Variants in LRRC4C observed in about 807,000 individuals in gnomAD.
The protein encoded by LRRC4C is leucine-rich repeat-containing protein 4C.
In LRRC4C, 5 loss-of-function variants were observed where a neutral mutation model predicts 33.6. The ratio of observed to expected loss-of-function variants is 0.15; its 90% confidence interval spans 0.08 to 0.31. The LOEUF is 0.31. Ranked by LOEUF, LRRC4C falls within the 10% of genes least tolerant of loss-of-function variation. The probability of loss-of-function intolerance (pLI) is 1.00; values close to 1 mark genes in which losing one functional copy is unlikely to be tolerated. For synonymous variants in LRRC4C, 329 were observed against 302.0 expected (o/e 1.09, Z -0.93); for missense variants, 560 against 796.7 (o/e 0.70, Z 3.58).
chr11:40,187,846 C>T (rs766799347), intron 5 of LRRC4C, among the ~76,000 whole-genome samples: 1 of 152,028 alleles, frequency 6.6e-6, no homozygotes, highest in East Asian at 1.9e-4. Context: ...CTCCAGAAAT[C>T]AGCCGTTAGA....
intron 2 of LRRC4C, among the ~76,000 whole-genome samples, chr11:40,829,519 T>A (rs1297833179): frequency 6.6e-6 from 1 of 152,042 alleles, no homozygotes; most frequent in African/African-American, 2.4e-5. Flanking sequence ...CTGCTCAAAT[T>A]ATTTTATTGG....
chr11:40,549,733 T>G (rs917716060), intron 3 of LRRC4C, among the ~76,000 whole-genome samples: 1 of 152,110 alleles, frequency 6.6e-6, no homozygotes, highest in African/African-American at 2.4e-5. Context: ...CTTCAACTAG[T>G]AAATTAAATA....
chr11:40,315,129 A>G (rs1649799605), intron 4 of LRRC4C, among the ~76,000 whole-genome samples: 1 of 152,012 alleles, frequency 6.6e-6, no homozygotes, highest in Non-Finnish European at 1.5e-5. Flanking sequence ...TCTGTATTGC[A>G]GTATCACTGT....
At chr11:40,584,177 C>CATATATATATATATATATATATAT (rs371413523) in intron 3 of LRRC4C, among the ~76,000 whole-genome samples, 892 of 70,952 alleles carry the variant, frequency 0.013, 55 homozygotes, top group East Asian at 0.015. Flanking sequence ...ACGCACACTT[C>CATATATATATATATATATATATAT]ATATATATAT....
At chr11:40,698,569 G>T (rs956274747) in intron 2 of LRRC4C, among the ~76,000 whole-genome samples, 2 of 152,000 alleles carry the variant, frequency 1.3e-5, no homozygotes, top group Non-Finnish European at 1.5e-5. Flanking sequence ...AAAAAGAAGA[G>T]AATGGGAAAG....
At chr11:40,836,211 A>G (rs1488433277) in intron 2 of LRRC4C, among the ~76,000 whole-genome samples, 1 of 151,990 alleles carries the variant, frequency 6.6e-6, no homozygotes, top group East Asian at 1.9e-4. Context: ...TTAAATGTAG[A>G]CCTCCTGTTA....
intron 3 of LRRC4C, among the ~76,000 whole-genome samples, chr11:40,585,870 CATT>C (rs1368900993): frequency 7.4e-6 from 1 of 135,584 alleles, no homozygotes; most frequent in Non-Finnish European, 1.6e-5. Context: ...TCCAGTCTAT[CATT>C]GTTGGACATT....
chr11:40,899,143 T>C (rs1956098387), intron 2 of LRRC4C, among the ~76,000 whole-genome samples: 1 of 152,084 alleles, frequency 6.6e-6, no homozygotes, highest in South Asian at 2.1e-4. Flanking sequence ...ATTCAACTCA[T>C]TCCAAGTATT....
chr11:41,339,064 T>A (rs1951548768), intron 1 of LRRC4C, among the ~76,000 whole-genome samples: 1 of 152,222 alleles, frequency 6.6e-6, no homozygotes, highest in African/African-American at 2.4e-5. Flanking sequence ...AGATGCATCA[T>A]GGTTCTAAAT....
chr11:41,386,907 A>G (rs999440896), intron 1 of LRRC4C, among the ~76,000 whole-genome samples: 18 of 151,916 alleles, frequency 1.2e-4, no homozygotes, highest in Admixed American at 1.1e-3. Flanking sequence ...GGAAATGATC[A>G]GAACAATAAG....
chr11:40,635,697 C>A (rs907271875), intron 3 of LRRC4C, among the ~76,000 whole-genome samples: 2 of 131,574 alleles, frequency 1.5e-5, no homozygotes, highest in Non-Finnish European at 3.1e-5. Context: ...AGTGCAGTGG[C>A]GCGATCTCGG....
intron 3 of LRRC4C, among the ~76,000 whole-genome samples, chr11:40,598,549 A>G (rs1286074957): frequency 6.6e-6 from 1 of 152,154 alleles, no homozygotes; most frequent in South Asian, 2.1e-4. Context: ...AAGCTGTCCT[A>G]TTACTATAAA....
chr11:41,024,867 G>A (rs532772662), intron 1 of LRRC4C, among the ~76,000 whole-genome samples: 58 of 151,208 alleles, frequency 3.8e-4, no homozygotes, highest in South Asian at 1.0e-3. Flanking sequence ...AACACTATGC[G>A]CTCACTTCCT....
At chr11:40,215,878 G>A (rs558008224) in intron 5 of LRRC4C, among the ~76,000 whole-genome samples, 1 of 152,218 alleles carries the variant, frequency 6.6e-6, no homozygotes, top group South Asian at 2.1e-4. Context: ...CTCAAAGAAT[G>A]GACACTCTTT....
intron 2 of LRRC4C, among the ~76,000 whole-genome samples, chr11:40,885,177 A>G (rs1248854756): frequency 1.3e-5 from 2 of 152,136 alleles, no homozygotes; most frequent in East Asian, 3.8e-4. Context: ...ATTTATTGCT[A>G]GTCATTCCAA....
At chr11:40,519,808 C>T (rs4756597) in intron 3 of LRRC4C, among the ~76,000 whole-genome samples, 58,325 of 151,996 alleles carry the variant, frequency 0.38, 11,949 homozygotes, top group East Asian at 0.65. Context: ...TAGATTACTT[C>T]GAAAACATAA....
chr11:40,495,987 G>A (rs542265642), intron 3 of LRRC4C, among the ~76,000 whole-genome samples: 2 of 151,730 alleles, frequency 1.3e-5, no homozygotes, highest in Non-Finnish European at 2.9e-5. Flanking sequence ...GTGCCACCAC[G>A]CCCGGCTAAT....
chr11:40,347,726 A>G (rs1274916522), intron 3 of LRRC4C, among the ~76,000 whole-genome samples: 1 of 152,190 alleles, frequency 6.6e-6, no homozygotes, highest in Non-Finnish European at 1.5e-5. Context: ...CTCCTGCCTC[A>G]GCCTCCTGAG....
intron 1 of LRRC4C, among the ~76,000 whole-genome samples, chr11:41,264,333 G>A (rs12225880): frequency 0.046 from 6,948 of 151,926 alleles, 203 homozygotes; most frequent in South Asian, 0.074. Flanking sequence ...CTCATGATCC[G>A]CCTGCCTCGG....
Sources: gnomAD v4.1 joint callset for allele counts (sites outside exome capture counted in the v4.1 genomes callset) on GRCh38, gnomAD v4.1.1 for gene constraint, MANE v1.5 for transcripts, NCBI Gene and HGNC (gene_info 2026-07-23, HGNC 2026-07-21) for gene names.